The following FOXO1 variants were observed in gnomAD, a reference collection of about 807,000 sequenced individuals.
FOXO1 encodes forkhead box protein O1.
A neutral mutation model predicts 44.1 loss-of-function variants in FOXO1; 6 were observed. The observed-to-expected ratio is 0.14, with a 90% CI of 0.07 to 0.27. FOXO1 has a LOEUF of 0.27. FOXO1 is among the 10% of genes least tolerant of loss of function. FOXO1 has a pLI of 1.00. For missense variants in FOXO1, 737 were observed against 888.8 expected (o/e 0.83, Z 2.17); for synonymous variants, 380 against 362.7 (o/e 1.05, Z -0.54).
chr13:40,565,596 C>T lies in FOXO1; in HGVS notation c.631-4736G>A, dbSNP rs118084785. 4.2e-4 allele frequency among the ~76,000 whole-genome samples: 64 copies of T among 152,320 alleles called. 2 individuals are homozygous for T. The East Asian group carries it at 0.01, about 25-fold the overall frequency. ...ACACTGTGAGCTGCTCAAGTGAGCA[C>T]AGGGACCTTTGTCTGTCTTCTTGTA... On this transcript the variant is annotated intron_variant, in intron 1 of 2. Coordinates refer to ENST00000379561, the MANE Select transcript of FOXO1 (RefSeq NM_002015.4).
chr13:40,649,483 G>A (rs140535382), intron 1 of FOXO1, among the ~76,000 whole-genome samples: 190 of 152,118 alleles, frequency 1.2e-3, no homozygotes, highest in African/African-American at 4.4e-3. Flanking sequence ...AAACACAGGC[G>A]GAAGTCATGG....
chr13:40,599,193 T>A (rs1593394354), intron 1 of FOXO1, among the ~76,000 whole-genome samples: 2 of 134,562 alleles, frequency 1.5e-5, no homozygotes, highest in Admixed American at 7.3e-5. Flanking sequence ...AACATGGCAA[T>A]AAAAGTCAAG....
At chr13:40,645,839 T>C (rs558597027) in intron 1 of FOXO1, among the ~76,000 whole-genome samples, 15 of 152,192 alleles carry the variant, frequency 9.9e-5, no homozygotes, top group South Asian at 6.2e-4. Flanking sequence ...TCCCAGCACT[T>C]TGGGAGGCCA....
chr13:40,580,145 G>A (rs1874903843), intron 1 of FOXO1, among the ~76,000 whole-genome samples: 1 of 151,844 alleles, frequency 6.6e-6, no homozygotes, highest in South Asian at 2.1e-4. Context: ...GCTACATTGG[G>A]GTAACAAACA....
chr13:40,564,747 T>C (rs1874195946), intron 1 of FOXO1, among the ~76,000 whole-genome samples: 1 of 152,214 alleles, frequency 6.6e-6, no homozygotes, highest in African/African-American at 2.4e-5. Flanking sequence ...GTCAATCACT[T>C]GCCCAAATCC....
chr13:40,556,495 T>C lies in FOXO1; in HGVS notation c.*2554A>G, dbSNP rs568537590. 2.6e-5 allele frequency: 4 copies of C among 152,646 alleles called. No homozygotes were observed. The South Asian group carries it at 6.2e-4, about 24-fold the overall frequency. 9.5% of individuals were successfully genotyped at this position (152,646 alleles called of 1,614,324 possible). ...AACAAGGCTGCATAGGTGATATCATTTGCACATTTCACAAAGCAATCATGT... is the reference window on the plus strand; with the variant it reads ...AACAAGGCTGCATAGGTGATATCATCTGCACATTTCACAAAGCAATCATGT... On this transcript the variant is annotated 3_prime_UTR_variant, in exon 3 of 3. Transcript: ENST00000379561.
intron 1 of FOXO1, among the ~76,000 whole-genome samples, chr13:40,597,497 C>A (rs143115151): frequency 3.3e-5 from 5 of 152,312 alleles, no homozygotes; most frequent in South Asian, 4.1e-4. Flanking sequence ...TAACTGTGAT[C>A]AGGACCTGTA....
rs1415452741 is a variant in FOXO1 at position 40,651,676 on chromosome 13, CATT to C, written c.630+13904_630+13906del. On this transcript the variant is annotated intron_variant, in intron 1 of 2. Transcript: ENST00000379561. ...ACATACAAATATACATCTAAATATACATTATATTTATAACATAAATATACATCT... is the reference window on the plus strand; with the variant it reads ...ACATACAAATATACATCTAAATATACATATTTATAACATAAATATACATCT... 4.0e-5 allele frequency among the ~76,000 whole-genome samples: 6 copies of C among 151,426 alleles called. No individual in the cohort carries two copies. The South Asian group carries it at 8.3e-4, about 21-fold the overall frequency.
At chr13:40,585,372 C>CACACAG (rs1339206632) in intron 1 of FOXO1, among the ~76,000 whole-genome samples, 32 of 151,984 alleles carry the variant, frequency 2.1e-4, no homozygotes, top group African/African-American at 7.2e-4. Flanking sequence ...CACACACACA[C>CACACAG]AGCCAACTTC....
rs553938705 is a variant in FOXO1, at chr13:40,557,798, T to C, written c.*1251A>G. On this transcript the variant is annotated 3_prime_UTR_variant, in exon 3 of 3. Transcript: ENST00000379561. ...AAATCCCTCGTTTGACAAAGGACCA[T>C]TGCTTTAGATGCAGATCTCCCTTTT... 5 of 152,312 alleles carry C rather than the reference T, an allele frequency of 3.3e-5. No homozygotes were observed. Among genetic ancestry groups the C allele is most frequent in the South Asian group, 4.1e-4 (2 of 4,826 alleles). 9.4% of individuals were successfully genotyped at this position (152,312 alleles called of 1,614,324 possible). A position where few individuals can be genotyped will look rare whatever the true frequency, so the allele number is the denominator to read the frequency against.
chr13:40,635,579 A>T (rs1206386194), intron 1 of FOXO1, among the ~76,000 whole-genome samples: 1 of 152,236 alleles, frequency 6.6e-6, no homozygotes, highest in African/African-American at 2.4e-5. Context: ...TGCTAAGACT[A>T]CAATGAAAAT....
At chr13:40,583,733 G>C (rs1400350026) in intron 1 of FOXO1, among the ~76,000 whole-genome samples, 1 of 152,152 alleles carries the variant, frequency 6.6e-6, no homozygotes, top group Admixed American at 6.5e-5. Context: ...TGACTGTTTT[G>C]ATCTTCTATA....
intron 1 of FOXO1, among the ~76,000 whole-genome samples, chr13:40,604,759 T>C (rs1875937106): frequency 6.6e-6 from 1 of 152,142 alleles, no homozygotes; most frequent in Non-Finnish European, 1.5e-5. Flanking sequence ...TGTATAAGAA[T>C]CACACACTAG....
At chr13:40,601,795 C>A (rs1875824045) in intron 1 of FOXO1, among the ~76,000 whole-genome samples, 1 of 152,054 alleles carries the variant, frequency 6.6e-6, no homozygotes, top group South Asian at 2.1e-4. Flanking sequence ...TACTGTTTTA[C>A]CACTAATGTC....
chr13:40,572,119 G>C (rs1046386246), intron 1 of FOXO1, among the ~76,000 whole-genome samples: 1 of 152,206 alleles, frequency 6.6e-6, no homozygotes, highest in Non-Finnish European at 1.5e-5. Context: ...AGAAGCCAGT[G>C]AAAAACTTTA....
intron 1 of FOXO1, among the ~76,000 whole-genome samples, chr13:40,636,438 T>TA (rs1267224091): frequency 3.3e-5 from 5 of 151,764 alleles, no homozygotes; most frequent in African/African-American, 1.2e-4. Context: ...GGGAGGCCAA[T>TA]ATGAGAGGAC....
At chr13:40,600,442 G>A (rs1033760319) in intron 1 of FOXO1, among the ~76,000 whole-genome samples, 7 of 152,176 alleles carry the variant, frequency 4.6e-5, no homozygotes, top group African/African-American at 1.7e-4. Flanking sequence ...GACAGGAAGA[G>A]CGTAGGAGTA....
chr13:40,658,929 G>A (rs1017606283), intron 1 of FOXO1, among the ~76,000 whole-genome samples: 3 of 151,674 alleles, frequency 2.0e-5, no homozygotes, highest in African/African-American at 4.9e-5. Flanking sequence ...GGAGAATAGC[G>A]TGAACCCGGG....
At chr13:40,618,482 A>G (rs536039984) in intron 1 of FOXO1, among the ~76,000 whole-genome samples, 73 of 152,348 alleles carry the variant, frequency 4.8e-4, no homozygotes, top group Non-Finnish European at 8.7e-4. Flanking sequence ...ACGGGATTGT[A>G]TTCTGGTGGA....
Sources: gnomAD v4.1 joint callset for allele counts (sites outside exome capture counted in the v4.1 genomes callset) on GRCh38, gnomAD v4.1.1 for gene constraint, MANE v1.5 for transcripts, NCBI Gene and HGNC (gene_info 2026-07-23, HGNC 2026-07-21) for gene names.